The following HP1BP3 variants were observed in gnomAD, a reference collection of about 807,000 sequenced individuals.
HP1BP3 encodes the protein heterochromatin protein 1 binding protein 3, also known as heterochromatin protein 1-binding protein 3.
Under a neutral mutation model 62.5 loss-of-function variants are expected in HP1BP3, and 12 were observed. That is an observed-to-expected ratio of 0.19 (90% CI 0.12 to 0.31). The LOEUF (loss-of-function observed/expected upper bound fraction) is 0.31, where lower values mean the gene tolerates loss of function less well. HP1BP3 is among the 10% of genes least tolerant of loss of function. The pLI, the probability that HP1BP3 is intolerant of heterozygous loss-of-function variation, is 1.00. For synonymous variants in HP1BP3, 260 were observed against 237.8 expected, an observed-to-expected ratio of 1.09 and a Z score of -0.86; for missense variants, 502 against 651.8, an observed-to-expected ratio of 0.77 and a Z score of 2.50.
intron 11 of HP1BP3, 69 bp from the exon 12 acceptor site, chr1:20,745,725 T>G: frequency 6.6e-7 from 1 of 1,524,430 alleles, no homozygotes. Flanking sequence ...TGAACCTAGA[T>G]GCTCTTACCT....
At chr1:20,782,525 A>G (rs2057604213) in intron 1 of HP1BP3, among the ~76,000 whole-genome samples, 1 of 151,882 alleles carries the variant, frequency 6.6e-6, no homozygotes. Context: ...TTTTGGATGC[A>G]GTAACCTGAA....
intron 3 of HP1BP3, among the ~76,000 whole-genome samples, chr1:20,778,962 A>G (rs1348540917): frequency 1.3e-5 from 2 of 151,874 alleles, no homozygotes; most frequent in Non-Finnish European, 2.9e-5. Flanking sequence ...GATAATGTTT[A>G]TAATTTTAGT....
intron 4 of HP1BP3, chr1:20,776,260 G>A (rs1180038112): frequency 2.3e-6 from 1 of 437,736 alleles, no homozygotes; most frequent in Non-Finnish European, 4.0e-6. Flanking sequence ...TGTCTTCTAG[G>A]TCAGATTTTT....
At position 20,741,604 on chromosome 1, in the gene HP1BP3, G is replaced by C. The variant is rs543539844; in HGVS notation, c.*3193C>G. Among the ~76,000 whole-genome samples the C allele has an allele frequency of 6.6e-6, 1 of 152,308 alleles. No homozygotes were observed. The highest frequency in any genetic ancestry group is 1.9e-4 in the East Asian group (1 of 5,192). On this transcript the variant is annotated 3_prime_UTR_variant, in exon 13 of 13. Coordinates refer to ENST00000438032, the MANE Select transcript of HP1BP3 (RefSeq NM_001372052.1). ...GAATCCATGTGCAATGAATGCTTCT[G>C]TCATAGTGCTAAGGAAAGGTCTCCA...
intron 1 of HP1BP3, among the ~76,000 whole-genome samples, chr1:20,781,681 C>A (rs537162244): frequency 6.6e-6 from 1 of 152,062 alleles, no homozygotes; most frequent in African/African-American, 2.4e-5. Context: ...GGCTGGAGTG[C>A]GGTGGCACGA....
chr1:20,775,985 G>C (rs2057287515), intron 4 of HP1BP3: 1 of 1,406,878 alleles, frequency 7.1e-7, no homozygotes, highest in East Asian at 2.8e-5. Flanking sequence ...GAAAAGAGTG[G>C]AATGAATACT....
In HP1BP3 at chr1:20,780,435, C is replaced by A. The variant is rs779746464; in HGVS notation, c.6G>T (p.Ala2=). ...CGAGTTCACCTTGAGACGTATCAGT[C>A]GCCATTTTAAATAATTTCTAGGCCC... M[A]TDTSQGELVH... Residue 2 remains alanine, a synonymous_variant, in exon 2 of 13, where the codon GCG becomes GCT. Transcript: ENST00000438032. The A allele has an allele frequency of 6.2e-7, 1 of 1,611,168 alleles. No individual in the cohort carries two copies. Among genetic ancestry groups the A allele is most frequent in the East Asian group, 2.2e-5 (1 of 44,886 alleles).
At position 20,747,797 on chromosome 1, in the gene HP1BP3, G is replaced by C. The variant is rs80148336; in HGVS notation, c.1142-142C>G. The C allele has an allele frequency of 6.9e-3, 4,128 of 598,846 alleles. 121 individuals carry two copies. Among genetic ancestry groups the C allele is most frequent in the African/African-American group, 0.068 (3,598 of 53,192 alleles). 37.1% of individuals were successfully genotyped at this position (598,846 alleles called of 1,614,324 possible). On this transcript the variant is annotated intron_variant, in intron 10 of 12. Transcript: ENST00000438032. ...ACTAAGTGAATCCTATGTGTTCAAAGGTATTTAATTAAACATTTACTTATT... is the reference window on the plus strand; with the variant it reads ...ACTAAGTGAATCCTATGTGTTCAAACGTATTTAATTAAACATTTACTTATT...
intron 6 of HP1BP3, among the ~76,000 whole-genome samples, chr1:20,769,862 G>T (rs1383199376): frequency 6.6e-6 from 1 of 152,192 alleles, no homozygotes; most frequent in Non-Finnish European, 1.5e-5. Flanking sequence ...GTACTAGTTG[G>T]AAGTCCCTAA....
intron 8 of HP1BP3, among the ~76,000 whole-genome samples, chr1:20,758,349 CT>C (rs2056251146): frequency 6.8e-6 from 1 of 146,358 alleles, no homozygotes; most frequent in African/African-American, 2.4e-5. Flanking sequence ...GGGTTAAACA[CT>C]CCTTTTTTTT....
chr1:20,752,536 C>T lies in HP1BP3; in HGVS notation c.982-2654G>A, dbSNP rs370574536. 3.9e-4 allele frequency among the ~76,000 whole-genome samples: 60 copies of T among 152,108 alleles called. No homozygotes were observed. The East Asian group carries it at 9.0e-3, about 23-fold the overall frequency. Reference sequence around the variant, plus strand: ...CAAACTCCTGACCAGGTAAACCACCCGCCTCAGCATCCCAAATTGCTAGGA... The same window carrying T: ...CAAACTCCTGACCAGGTAAACCACCTGCCTCAGCATCCCAAATTGCTAGGA... On this transcript the variant is annotated intron_variant, in intron 9 of 12. Coordinates refer to ENST00000438032, the MANE Select transcript of HP1BP3 (RefSeq NM_001372052.1).
chr1:20,759,617 C>A (rs976774336), intron 8 of HP1BP3, among the ~76,000 whole-genome samples: 1 of 152,148 alleles, frequency 6.6e-6, no homozygotes, highest in Admixed American at 6.5e-5. Flanking sequence ...TTCGAGTCTG[C>A]ACAACTGTGA....
At chr1:20,775,525 T>C (rs1343789577) in intron 4 of HP1BP3, 1 of 153,088 alleles carries the variant, frequency 6.5e-6, no homozygotes, top group Admixed American at 6.5e-5. Context: ...TTGCTAAAAA[T>C]AAAAACTTTT....
intron 11 of HP1BP3, among the ~76,000 whole-genome samples, chr1:20,746,512 G>T (rs559952280): frequency 6.6e-6 from 1 of 152,100 alleles, no homozygotes; most frequent in Non-Finnish European, 1.5e-5. Flanking sequence ...CTAAAACAGG[G>T]TCTTAGTGGT....
chr1:20,748,288 G>A (rs2055470287), intron 10 of HP1BP3, among the ~76,000 whole-genome samples: 1 of 152,152 alleles, frequency 6.6e-6, no homozygotes, highest in Admixed American at 6.5e-5. Flanking sequence ...TCAGTAAACA[G>A]TAACAAAACA....
At chr1:20,754,583 C>G (rs572334921) in intron 9 of HP1BP3, among the ~76,000 whole-genome samples, 1 of 151,986 alleles carries the variant, frequency 6.6e-6, no homozygotes, top group Non-Finnish European at 1.5e-5. Flanking sequence ...TCAAAATTCA[C>G]TATAAAGCTA....
rs1318349358 is a variant in HP1BP3, at chr1:20,784,526, T to C, written c.-101+2669A>G. On this transcript the variant is annotated intron_variant, in intron 1 of 12. Transcript: ENST00000438032. The stretch of plus-strand genomic sequence containing the variant: ...CCGAGTCTTGCTCTGTCGCCCAGGC[T>C]GGAGTGCGGTGGCGCGATCTCGGCT... Among the ~76,000 whole-genome samples the C allele has an allele frequency of 5.4e-5, 8 of 146,972 alleles. No individual in the cohort carries two copies. In the East Asian group the frequency reaches 1.7e-3, roughly 31 times the overall value.
In HP1BP3 at chr1:20,745,062, G is replaced by A; in HGVS notation, c.1397C>T (p.Pro466Leu). Residue 466 changes from proline (P) to leucine (L), a missense_variant, in exon 13 of 13, where the codon CCA becomes CTA. By Grantham distance (98) the Pro-to-Leu change is moderately conservative. Coordinates refer to ENST00000438032, the MANE Select transcript of HP1BP3 (RefSeq NM_001372052.1). ...CTGCTTCACAGATGCGGCCTTCCCT[G>A]GGGACTTGGCTGGGGTTTTCTTCTG... ...RLQKKTPAKS[P>L]GKAASVKQRG... The A allele has an allele frequency of 6.2e-7, 1 of 1,612,162 alleles. No individual in the cohort carries two copies. Among genetic ancestry groups the A allele is most frequent in the Admixed American group, 1.7e-5 (1 of 59,654 alleles).
Position 20,780,493 on chromosome 1 carries a change from T to A in HP1BP3, c.-53A>T. ...GGTTACACTCTGAAGCCTCTGCTGTTAACCACAAGGATTTTTCCTAATGGT... is the reference window on the plus strand; with the variant it reads ...GGTTACACTCTGAAGCCTCTGCTGTAAACCACAAGGATTTTTCCTAATGGT... On this transcript the variant is annotated 5_prime_UTR_variant, in exon 2 of 13. Coordinates refer to ENST00000438032, the MANE Select transcript of HP1BP3 (RefSeq NM_001372052.1). The A allele has an allele frequency of 7.8e-7, 1 of 1,276,424 alleles. No individual in the cohort carries two copies. The highest frequency in any genetic ancestry group is 1.1e-6 in the Non-Finnish European group (1 of 874,048). The allele number at this position is 1,276,424 out of a possible 1,614,324, so 79.1% of individuals were successfully genotyped here.
Sources: gnomAD v4.1 joint callset for allele counts (sites outside exome capture counted in the v4.1 genomes callset) on GRCh38, gnomAD v4.1.1 for gene constraint, MANE v1.5 for transcripts, NCBI Gene and HGNC (gene_info 2026-07-23, HGNC 2026-07-21) for gene names.